Variants in PNLIPRP1 observed in about 807,000 individuals in gnomAD.
PNLIPRP1 encodes pancreatic lipase related protein 1.
PNLIPRP1 carries 57 observed loss-of-function variants against 54.6 expected under a neutral mutation model. The ratio of observed to expected loss-of-function variants is 1.04; its 90% CI spans 0.84 to 1.30. The LOEUF is 1.30. Ranked by LOEUF, PNLIPRP1 falls within the 50% of genes most tolerant of loss-of-function variation. The pLI, the probability that PNLIPRP1 is intolerant of heterozygous loss-of-function variation, is 0.00. For synonymous variants in PNLIPRP1, 232 were observed against 208.8 expected (o/e 1.11, Z -0.96); for missense variants, 567 against 568.5 (o/e 1.00, Z 0.03).
chr10:116,596,197 C>G lies in PNLIPRP1; in HGVS notation c.466-17C>G. The G allele has an allele frequency of 6.5e-7, 1 of 1,533,306 alleles. No individual in the cohort carries two copies. 95.0% of individuals were successfully genotyped at this position (1,533,306 alleles called of 1,614,324 possible). On this transcript the variant is annotated splice_polypyrimidine_tract_variant and intron_variant, in intron 5 of 12. Coordinates refer to ENST00000358834, the MANE Select transcript of PNLIPRP1 (RefSeq NM_006229.4). ...CACAGCAAAAAATGTCCTGAAAATA[C>G]AATCTTCCCTCTCCAGACAGAGTAT...
intron 12 of PNLIPRP1, among the ~76,000 whole-genome samples, chr10:116,608,830 T>C (rs1424405862): frequency 6.6e-6 from 1 of 152,186 alleles, no homozygotes; most frequent in African/African-American, 2.4e-5. Flanking sequence ...TCCAGAACCA[T>C]AGCAGACCTT....
In PNLIPRP1 at chr10:116,591,142, T is replaced by C. The variant is rs782615871; in HGVS notation, c.13T>C (p.Trp5Arg). The change falls in exon 2 of 13, where the codon TGG (tryptophan) becomes CGG (arginine). Residue 5 changes from tryptophan (W) to arginine (R), a missense_variant. By Grantham distance (101) the Trp-to-Arg change is moderately radical. Coordinates refer to ENST00000358834, the MANE Select transcript of PNLIPRP1 (RefSeq NM_006229.4). Reference sequence around the variant, plus strand: ...AAATTTATTGTAGATGCTGATCTTCTGGACAATCACACTTTTCCTGCTGGG... The same window carrying C: ...AAATTTATTGTAGATGCTGATCTTCCGGACAATCACACTTTTCCTGCTGGG... MLIFWTITLFLLGAA... is the reference protein window; with the variant it reads MLIFRTITLFLLGAA... 5.6e-6 allele frequency: 9 copies of C among 1,613,536 alleles called. No homozygotes were observed. In the Admixed American group the frequency reaches 1.2e-4, roughly 21 times the overall value.
intron 5 of PNLIPRP1, chr10:116,595,079 C>A (rs1346179967): frequency 9.2e-6 from 5 of 542,310 alleles, no homozygotes; most frequent in African/African-American, 1.9e-5. Flanking sequence ...TAAAAATCAT[C>A]TTCAATTTAC....
At chr10:116,597,796 T>C in intron 6 of PNLIPRP1, 32 bp from the exon 7 acceptor site, 4 of 1,613,940 alleles carry the variant, frequency 2.5e-6, no homozygotes, top group East Asian at 4.5e-5. Context: ...CAGTCAGGTC[T>C]ATTGTTCTGC....
chr10:116,595,535 C>A (rs1188646375), intron 5 of PNLIPRP1: 1 of 152,788 alleles, frequency 6.5e-6, no homozygotes, highest in Non-Finnish European at 1.5e-5. Flanking sequence ...GAAATCAAAA[C>A]CCATGGTATT....
chr10:116,603,994 G>A (rs1554865157), intron 10 of PNLIPRP1, 36 bp from the exon 11 acceptor site: 3 of 1,285,742 alleles, frequency 2.3e-6, no homozygotes, highest in Non-Finnish European at 3.4e-6. Flanking sequence ...CTTATTTTGT[G>A]TGTGAATAAA....
chr10:116,599,724 C>T (rs1847799802), intron 8 of PNLIPRP1, among the ~76,000 whole-genome samples: 1 of 152,102 alleles, frequency 6.6e-6, no homozygotes, highest in Non-Finnish European at 1.5e-5. Context: ...ATTAGCTAAG[C>T]TGTAAATCTG....
At chr10:116,595,643 T>C (rs1173085236) in intron 5 of PNLIPRP1, 1 of 153,014 alleles carries the variant, frequency 6.5e-6, no homozygotes, top group Non-Finnish European at 1.5e-5. Flanking sequence ...TTTGATTTGC[T>C]TGTTCACCAG....
intron 12 of PNLIPRP1, among the ~76,000 whole-genome samples, chr10:116,606,556 T>C (rs1323531293): frequency 6.6e-6 from 1 of 152,122 alleles, no homozygotes; most frequent in Non-Finnish European, 1.5e-5. Flanking sequence ...AAGGCCCCAT[T>C]AGCAAGCATC....
chr10:116,591,960 G>A (rs782821179), intron 3 of PNLIPRP1, 35 bp downstream of exon 3: 8 of 1,611,412 alleles, frequency 5.0e-6, no homozygotes, highest in Non-Finnish European at 6.8e-6. Context: ...CACTGTAACT[G>A]GCACGGGGCT....
chr10:116,598,477 C>A (rs1276259802), intron 8 of PNLIPRP1, among the ~76,000 whole-genome samples: 2 of 152,162 alleles, frequency 1.3e-5, no homozygotes, highest in Non-Finnish European at 2.9e-5. Context: ...AAAGGAAATA[C>A]CATAAGAGCA....
intron 4 of PNLIPRP1, chr10:116,594,318 G>T (rs12258286): frequency 0.021 from 11,039 of 515,556 alleles, 917 homozygotes; most frequent in African/African-American, 0.19. Context: ...CTTTCCAGCA[G>T]CCTGGGGCAT....
intron 4 of PNLIPRP1, chr10:116,594,462 T>C (rs1479337235): frequency 1.4e-5 from 8 of 556,516 alleles, no homozygotes; most frequent in South Asian, 3.5e-5. Context: ...TTTCCCTTAC[T>C]AACCAACCTT....
intron 11 of PNLIPRP1, 42 bp downstream of exon 11, chr10:116,604,180 C>A: frequency 9.4e-7 from 1 of 1,064,426 alleles, no homozygotes; most frequent in Non-Finnish European, 1.5e-6. Flanking sequence ...TGATGATATA[C>A]ACAGCCTTCA....
Position 116,594,748 on chromosome 10 carries a change from G to T in PNLIPRP1, c.349G>T (p.Glu117Ter), listed in dbSNP as rs1847703996. 2 of 1,614,190 alleles carry T rather than the reference G, an allele frequency of 1.2e-6. No homozygotes were observed. The highest frequency in any genetic ancestry group is 2.7e-5 in the African/African-American group (2 of 75,062). ...DMCKKLFEVE[E>*]VNCICVDWKK... is the part of the protein sequence containing the mutation. ...ACACCAGAAACTGTTCGAGGTGGAG[G>T]AGGTGAACTGCATCTGCGTGGACTG... Residue 117 changes from glutamate to a stop codon, truncating the protein, a stop_gained, in exon 5 of 13, where the codon GAG becomes TAG. Coordinates refer to ENST00000358834, the MANE Select transcript of PNLIPRP1 (RefSeq NM_006229.4). LOFTEE classifies it high-confidence loss of function.
rs782124548 is a variant in PNLIPRP1 at position 116,609,100 on chromosome 10, C to T, written c.1388C>T (p.Thr463Ile). ...EDTVREDTLLTLTPC is the reference protein window; with the variant it reads ...EDTVREDTLLILTPC ...ACAGTGCGGGAAGACACGCTGCTCA[C>T]CCTCACGCCCTGCTAAGCTCCCGGG... The change falls in exon 13 of 13, where the codon ACC (threonine) becomes ATC (isoleucine). Residue 463 changes from threonine (T) to isoleucine (I), a missense_variant. By Grantham distance (89) the Thr-to-Ile change is moderately conservative (BLOSUM62 -1). Coordinates refer to ENST00000358834, the MANE Select transcript of PNLIPRP1 (RefSeq NM_006229.4). The T allele has an allele frequency of 6.2e-7, 1 of 1,611,362 alleles. No homozygotes were observed. The highest frequency in any genetic ancestry group is 1.1e-5 in the South Asian group (1 of 90,780).
Position 116,605,451 on chromosome 10 carries a change from T to A in PNLIPRP1, c.1238T>A (p.Ile413Asn). 1.2e-6 allele frequency: 2 copies of A among 1,612,178 alleles called. No individual in the cohort carries two copies. The stretch of plus-strand genomic sequence containing the variant: ...GATGCAAAGCTGGATGTTGGAACAA[T>A]TGAGAAAGTCAAGTTTCTTTGGAAT... ...EFDAKLDVGTIEKVKFLWNNN... is the reference protein window; with the variant it reads ...EFDAKLDVGTNEKVKFLWNNN... Residue 413 changes from isoleucine to asparagine, a missense_variant, in exon 12 of 13, where the codon ATT becomes AAT. By Grantham distance (149) the Ile-to-Asn change is moderately radical. Coordinates refer to ENST00000358834, the MANE Select transcript of PNLIPRP1 (RefSeq NM_006229.4).
rs782306261 is a variant in PNLIPRP1 at position 116,594,355 on chromosome 10, C to T, written c.331-375C>T. The T allele has an allele frequency of 1.7e-5, 9 of 519,252 alleles. 1 individual carries two copies. The highest frequency in any genetic ancestry group is 1.3e-4 in the South Asian group (9 of 69,846). 32.2% of individuals were successfully genotyped at this position (519,252 alleles called of 1,614,324 possible). A position where few individuals can be genotyped will look rare whatever the true frequency, so the allele number is the denominator to read the frequency against. The stretch of plus-strand genomic sequence containing the variant: ...GCCAAGAGCCTGAAAGGACCCCTTA[C>T]AGTCAAATCCACAAGGTCATTTAGA... On this transcript the variant is annotated intron_variant, in intron 4 of 12. Coordinates refer to ENST00000358834, the MANE Select transcript of PNLIPRP1 (RefSeq NM_006229.4).
rs1847655646 is a variant in PNLIPRP1, at chr10:116,592,421, C to T, written c.210C>T (p.Leu70=). Residue 70 remains leucine (L), a synonymous_variant, in exon 4 of 13, where the codon CTC becomes CTT. Transcript: ENST00000358834. Reference sequence around the variant, plus strand: ...CACTTCTGCGTCTGTCACAGATTCTCCTCCTCTCTGATCCATCAACAATTG... The same window carrying T: ...CACTTCTGCGTCTGTCACAGATTCTTCTCCTCTCTGATCCATCAACAATTG... The part of the protein sequence containing the change: ...TNENPNNFQI[L]LLSDPSTIEA... 1.2e-6 allele frequency: 2 copies of T among 1,603,486 alleles called. No individual in the cohort carries two copies. Among genetic ancestry groups the T allele is most frequent in the Non-Finnish European group, 1.7e-6 (2 of 1,172,724 alleles).
Sources: gnomAD v4.1 joint callset for allele counts (sites outside exome capture counted in the v4.1 genomes callset) on GRCh38, gnomAD v4.1.1 for gene constraint, MANE v1.5 for transcripts, NCBI Gene and HGNC (gene_info 2026-07-23, HGNC 2026-07-21) for gene names.